Variants in NAALADL2 observed in about 807,000 individuals in gnomAD.
NAALADL2 encodes the protein inactive N-acetylated-alpha-linked acidic dipeptidase-like protein 2.
NAALADL2 carries 76 observed loss-of-function variants against 87.2 expected under a neutral mutation model. The observed-to-expected ratio is 0.87, with a 90% CI of 0.72 to 1.05. The LOEUF is 1.05. NAALADL2 is among the 50% of genes least tolerant of loss of function. The pLI, the probability that NAALADL2 is intolerant of heterozygous loss-of-function variation, is 0.00. For missense variants in NAALADL2, 1,089 were observed against 945.8 expected, an observed-to-expected ratio of 1.15 and a Z score of -1.99; for synonymous variants, 354 against 331.0, an observed-to-expected ratio of 1.07 and a Z score of -0.75.
rs193115040 is a variant in NAALADL2, at chr3:175,413,147, C to T, written c.1091-34082C>T. Among the ~76,000 whole-genome samples the T allele has an allele frequency of 1.6e-4, 23 of 144,088 alleles. No homozygotes were observed. The East Asian group carries it at 4.6e-3, about 29-fold the overall frequency. The allele number at this position is 144,088 out of a possible 152,430, so 94.5% of individuals were successfully genotyped here. The stretch of plus-strand genomic sequence containing the variant: ...CTCGTGATCTGCCCGCCTTGGCCTC[C>T]CAGCACTTTGGGAGGCTGAGGTGGG... On this transcript the variant is annotated intron_variant, in intron 5 of 13. Coordinates refer to ENST00000454872, the MANE Select transcript of NAALADL2 (RefSeq NM_207015.3).
At chr3:174,526,521 A>G (rs923616634) in intron 1 of NAALADL2, among the ~76,000 whole-genome samples, 2 of 152,214 alleles carry the variant, frequency 1.3e-5, no homozygotes, top group Non-Finnish European at 2.9e-5. Context: ...ATATATATTG[A>G]CTATTATTTG....
chr3:175,069,250 G>A (rs751286609), intron 1 of NAALADL2, among the ~76,000 whole-genome samples: 17 of 149,268 alleles, frequency 1.1e-4, no homozygotes, highest in East Asian at 7.8e-4. Flanking sequence ...GAAAATTTTC[G>A]CAACCTACTC....
At chr3:175,262,575 A>AGTGTGTGTGT (rs71164625) in intron 4 of NAALADL2, among the ~76,000 whole-genome samples, 4,146 of 147,090 alleles carry the variant, frequency 0.028, 123 homozygotes, top group Admixed American at 0.094. Flanking sequence ...ATGTTGTGTG[A>AGTGTGTGTGT]GTGTGTGTGT....
intron 10 of NAALADL2, among the ~76,000 whole-genome samples, chr3:175,599,189 A>T (rs750089203): frequency 2.0e-4 from 30 of 152,134 alleles, no homozygotes; most frequent in Non-Finnish European, 4.0e-4. Context: ...CTGTAGGATA[A>T]CAATTATGAA....
chr3:174,951,873 T>TTATA (rs1305843071), intron 1 of NAALADL2, among the ~76,000 whole-genome samples: 6 of 152,150 alleles, frequency 3.9e-5, no homozygotes, highest in African/African-American at 1.4e-4. Context: ...CAACATTGAT[T>TTATA]TATAGCCTTG....
intron 4 of NAALADL2, among the ~76,000 whole-genome samples, chr3:175,279,623 C>CT (rs540021979): frequency 1.3e-5 from 2 of 151,780 alleles, no homozygotes; most frequent in African/African-American, 2.4e-5. Context: ...ACCATCTGGG[C>CT]TTTTTTTATG....
chr3:174,970,077 T>C (rs1295752395), intron 1 of NAALADL2, among the ~76,000 whole-genome samples: 1 of 152,204 alleles, frequency 6.6e-6, no homozygotes, highest in Non-Finnish European at 1.5e-5. Flanking sequence ...GAGATTTATG[T>C]CTCTTAATGG....
intron 4 of NAALADL2, among the ~76,000 whole-genome samples, chr3:175,261,597 G>A (rs2035103): frequency 0.92 from 139,557 of 152,102 alleles, 64,082 homozygotes; most frequent in East Asian, 0.98. Flanking sequence ...GCAGTAATAT[G>A]CATCACTACC....
At chr3:174,787,576 C>CATATATATATATATATATATATATATAT (rs71300440) in intron 3 of NAALADL2, among the ~76,000 whole-genome samples, 1 of 14,728 alleles carries the variant, frequency 6.8e-5, no homozygotes, top group Non-Finnish European at 1.5e-4. Context: ...AATATATCAT[C>CATATATATATATATATATATATATATAT]ATATATATAT....
At chr3:174,495,943 A>G (rs1291273007) in intron 1 of NAALADL2, among the ~76,000 whole-genome samples, 2 of 152,184 alleles carry the variant, frequency 1.3e-5, no homozygotes, top group African/African-American at 4.8e-5. Flanking sequence ...AGCCATTGAA[A>G]TGCAGCAGCA....
intron 9 of NAALADL2, among the ~76,000 whole-genome samples, chr3:175,522,089 G>A (rs1030759434): frequency 2.0e-5 from 3 of 151,868 alleles, no homozygotes; most frequent in Non-Finnish European, 4.4e-5. Context: ...TTTCCTATTA[G>A]CTATAAAAAC....
chr3:175,360,295 T>C (rs1764838303), intron 5 of NAALADL2, among the ~76,000 whole-genome samples: 1 of 152,194 alleles, frequency 6.6e-6, no homozygotes, highest in Non-Finnish European at 1.5e-5. Flanking sequence ...TCATGAATTA[T>C]TTCCCAAGTT....
chr3:175,759,352 CTTTTTT>C (rs768277021), intron 13 of NAALADL2, among the ~76,000 whole-genome samples: 27 of 139,914 alleles, frequency 1.9e-4, no homozygotes, highest in African/African-American at 6.8e-4. Flanking sequence ...TCAAGAAAGA[CTTTTTT>C]TTTTTTTTTT....
At chr3:175,268,651 T>C (rs1429388841) in intron 4 of NAALADL2, among the ~76,000 whole-genome samples, 3 of 152,146 alleles carry the variant, frequency 2.0e-5, no homozygotes, top group Non-Finnish European at 2.9e-5. Flanking sequence ...GACAAAAATA[T>C]TTTTGTTTAT....
At chr3:175,529,383 T>C (rs924735480) in intron 9 of NAALADL2, among the ~76,000 whole-genome samples, 2 of 152,130 alleles carry the variant, frequency 1.3e-5, no homozygotes, top group African/African-American at 4.8e-5. Flanking sequence ...CAGCAGAACA[T>C]AATGTGGCAA....
At chr3:174,510,794 A>G (rs1719551996) in intron 1 of NAALADL2, among the ~76,000 whole-genome samples, 1 of 143,856 alleles carries the variant, frequency 7.0e-6, no homozygotes, top group South Asian at 2.3e-4. Flanking sequence ...AAGCTTAAGC[A>G]AGATGATTTA....
At chr3:174,920,145 C>T (rs1734959885) in intron 1 of NAALADL2, among the ~76,000 whole-genome samples, 4 of 152,126 alleles carry the variant, frequency 2.6e-5, no homozygotes, top group Admixed American at 2.6e-4. Context: ...AGCAAATAAG[C>T]TTTGCCTTCA....
At chr3:174,797,298 C>CTTTTTTTTTTTTTTTTTTTTTTTTTTT (rs765233495) in intron 3 of NAALADL2, among the ~76,000 whole-genome samples, 8 of 97,726 alleles carry the variant, frequency 8.2e-5, no homozygotes, top group African/African-American at 2.4e-4. Context: ...TTTTGTTTTT[C>CTTTTTTTTTTTTTTTTTTTTTTTTTTT]TTTTTTCTTT....
At chr3:174,806,420 C>T (rs919161441) in intron 3 of NAALADL2, among the ~76,000 whole-genome samples, 1 of 152,174 alleles carries the variant, frequency 6.6e-6, no homozygotes, top group Admixed American at 6.5e-5. Flanking sequence ...CAAGGCATCA[C>T]CTCAGCCTAG....
Sources: allele counts gnomAD v4.1 joint callset (sites outside exome capture counted in the v4.1 genomes callset), GRCh38; gene constraint gnomAD v4.1.1; transcripts MANE v1.5; gene names NCBI Gene and HGNC (gene_info 2026-07-23, HGNC 2026-07-21).